The following LITAF variants were observed in gnomAD, a reference collection of about 807,000 sequenced individuals.
LITAF encodes the protein lipopolysaccharide induced TNF factor.
Under a neutral mutation model 14.5 loss-of-function variants are expected in LITAF, and 9 were observed. The observed-to-expected ratio is 0.62, with a 90% CI of 0.37 to 1.08. LITAF has a LOEUF of 1.08. Ranked by LOEUF, LITAF falls within the 50% of genes least tolerant of loss-of-function variation. The pLI, the probability that LITAF is intolerant of heterozygous loss-of-function variation, is 0.01. For missense variants in LITAF, 206 were observed against 213.4 expected, an observed-to-expected ratio of 0.97 and a Z score of 0.22; for synonymous variants, 98 against 88.2, an observed-to-expected ratio of 1.11 and a Z score of -0.62.
chr16:11,581,966 G>A (rs1597357291), intron 1 of LITAF, among the ~76,000 whole-genome samples: 1 of 152,256 alleles, frequency 6.6e-6, no homozygotes, highest in East Asian at 1.9e-4. Context: ...GAGAGAGGTT[G>A]GTTGATAGGT....
At chr16:11,584,929 C>T (rs370111847) in intron 1 of LITAF, among the ~76,000 whole-genome samples, 44 of 152,178 alleles carry the variant, frequency 2.9e-4, no homozygotes, top group African/African-American at 9.2e-4. Context: ...AGAAATGGGC[C>T]GGGTGAGGTA....
Position 11,611,152 on chromosome 16 carries a change from C to T in LITAF, c.85+22381G>A, listed in dbSNP as rs116526762. ...TCACTTGAGGCCAGGAGTTCAAGAC[C>T]AGCCTAGGCAAAAATAGTGAGACAA... is the stretch of plus-strand genomic sequence containing the variant. On this transcript the variant is annotated intron_variant, in intron 3 of 3. Transcript: ENST00000574848. 4.9e-3 allele frequency among the ~76,000 whole-genome samples: 744 copies of T among 151,990 alleles called. 4 individuals are homozygous for T. The highest frequency in any genetic ancestry group is 0.017 in the African/African-American group (711 of 41,446).
At chr16:11,600,585 C>T (rs2064920882), upstream of LITAF, among the ~76,000 whole-genome samples, 1 of 152,232 alleles carries the variant, frequency 6.6e-6, no homozygotes, top group Non-Finnish European at 1.5e-5. This position sits in a 1 kb window ranked among gnomAD's most constrained non-coding sequence, Gnocchi z 4.1. Context: ...CTGGCCCCCA[C>T]CCTTCACCTA....
intron 2 of LITAF, among the ~76,000 whole-genome samples, chr16:11,635,418 T>A (rs1478819111): frequency 6.6e-6 from 1 of 152,208 alleles, no homozygotes; most frequent in Non-Finnish European, 1.5e-5. Context: ...CCCTCCCTTA[T>A]GCCCTCCACC....
intron 3 of LITAF, among the ~76,000 whole-genome samples, chr16:11,626,210 T>C (rs12446552): frequency 0.18 from 27,430 of 152,208 alleles, 3,280 homozygotes; most frequent in Non-Finnish European, 0.27. Context: ...TTTTATACAG[T>C]GAGTCAGAGT....
At chr16:11,637,690 T>G (rs539496361), upstream of LITAF, among the ~76,000 whole-genome samples, 1 of 151,820 alleles carries the variant, frequency 6.6e-6, no homozygotes, top group Admixed American at 6.6e-5. Context: ...AAGACCAGCC[T>G]AGGCAACATA....
Position 11,568,673 on chromosome 16 carries a change from G to GTTTTTTTT in LITAF, c.-5-11946_-5-11939dup, listed in dbSNP as rs374757371. Among the ~76,000 whole-genome samples the GTTTTTTTT allele has an allele frequency of 7.7e-5, 9 of 116,370 alleles. 1 individual carries two copies. Among genetic ancestry groups the GTTTTTTTT allele is most frequent in the Non-Finnish European group, 1.1e-4 (6 of 56,960 alleles). The allele number at this position is 116,370 out of a possible 152,430, so 76.3% of individuals were successfully genotyped here. ...CTTGTGACACTGAAGGTACACCCTTGTTTTTTTTTGTTTTTTTTTTTTTTG... is the reference window on the plus strand; with the variant it reads ...CTTGTGACACTGAAGGTACACCCTTGTTTTTTTTTTTTTTTTTGTTTTTTTTTTTTTTG... On this transcript the variant is annotated intron_variant, in intron 1 of 3. Transcript: ENST00000622633.
At chr16:11,639,462 G>A (rs2065155672), upstream of LITAF, among the ~76,000 whole-genome samples, 1 of 149,918 alleles carries the variant, frequency 6.7e-6, no homozygotes, top group East Asian at 1.9e-4. Flanking sequence ...TGGATGGGTG[G>A]GTGGATGGAT....
At chr16:11,582,571 C>T (rs1201730107) in intron 1 of LITAF, among the ~76,000 whole-genome samples, 1 of 152,084 alleles carries the variant, frequency 6.6e-6, no homozygotes, top group East Asian at 1.9e-4. Context: ...CATCTCCCAG[C>T]CCCCAGAAAA....
In LITAF at chr16:11,549,919, C is replaced by G; in HGVS notation, c.378-174G>C. On this transcript the variant is annotated intron_variant, in intron 3 of 3. Coordinates refer to ENST00000622633, the MANE Select transcript of LITAF (RefSeq NM_001136472.2). This position sits in a 1 kb window ranked among gnomAD's most constrained non-coding sequence, Gnocchi z 4.6. The stretch of plus-strand genomic sequence containing the variant: ...AGGCGGACCCCTAAAACCCAATGAC[C>G]TTAGAAGAAGAGGAGAGGACACACA... The G allele has an allele frequency of 3.1e-6, 2 of 636,240 alleles. No individual in the cohort carries two copies. The highest frequency in any genetic ancestry group is 5.8e-6 in the Non-Finnish European group (2 of 343,738). 39.4% of individuals were successfully genotyped at this position (636,240 alleles called of 1,614,324 possible).
chr16:11,584,344 G>T (rs1294554394), intron 1 of LITAF: 1 of 152,158 alleles, frequency 6.6e-6, no homozygotes, highest in Non-Finnish European at 1.5e-5. Context: ...TATTCAGTGG[G>T]AGAAGTTTAA....
chr16:11,588,241 T>A (rs2064826992), upstream of LITAF, among the ~76,000 whole-genome samples: 1 of 152,168 alleles, frequency 6.6e-6, no homozygotes, highest in Admixed American at 6.5e-5. Flanking sequence ...TTGCCTATAG[T>A]CTCAGGACTT....
chr16:11,588,870 T>C (rs1246922656), upstream of LITAF, among the ~76,000 whole-genome samples: 99 of 151,798 alleles, frequency 6.5e-4, no homozygotes, highest in African/African-American at 2.3e-3. Context: ...CTTCCTTCCT[T>C]CCTTCCTCCC....
At chr16:11,566,568 G>A (rs1372582256) in intron 1 of LITAF, among the ~76,000 whole-genome samples, 1 of 152,246 alleles carries the variant, frequency 6.6e-6, no homozygotes, top group South Asian at 2.1e-4. Context: ...GTTCGAGACC[G>A]GCCCGGGCAA....
chr16:11,596,190 C>T (rs562399682), intron 1 of LITAF, among the ~76,000 whole-genome samples: 128 of 152,186 alleles, frequency 8.4e-4, no homozygotes, highest in African/African-American at 2.8e-3. Flanking sequence ...GTCTTCACCA[C>T]GGCCAGGAGA....
At chr16:11,607,593 C>A (rs760518103) in intron 3 of LITAF, among the ~76,000 whole-genome samples, 1 of 151,736 alleles carries the variant, frequency 6.6e-6, no homozygotes, top group Non-Finnish European at 1.5e-5. Context: ...ACCTCAACGT[C>A]CTCATTAAAA....
At chr16:11,617,195 G>C (rs532670429) in intron 3 of LITAF, among the ~76,000 whole-genome samples, 1 of 152,056 alleles carries the variant, frequency 6.6e-6, no homozygotes, top group South Asian at 2.1e-4. Context: ...ACTTCAACCT[G>C]GGTGACAGAG....
chr16:11,556,942 C>G (rs534066338), intron 1 of LITAF, among the ~76,000 whole-genome samples: 1 of 152,292 alleles, frequency 6.6e-6, no homozygotes, highest in East Asian at 1.9e-4. Context: ...CCCAAAATCA[C>G]CAAAACCTGG....
chr16:11,616,714 C>T (rs975462781), intron 3 of LITAF, among the ~76,000 whole-genome samples: 3 of 151,830 alleles, frequency 2.0e-5, no homozygotes, highest in Non-Finnish European at 4.4e-5. Flanking sequence ...AAAAGATGCC[C>T]GGAGTGGGCA....
Sources: allele counts gnomAD v4.1 joint callset (sites outside exome capture counted in the v4.1 genomes callset), GRCh38; gene constraint gnomAD v4.1.1; non-coding constraint Gnocchi (gnomAD v3.1); transcripts MANE v1.5; gene names NCBI Gene and HGNC (gene_info 2026-07-23, HGNC 2026-07-21).